The following MYO18B variants were observed in gnomAD, a reference collection of about 807,000 sequenced individuals.
The protein encoded by MYO18B is unconventional myosin-XVIIIb.
MYO18B carries 204 observed loss-of-function variants against 273.0 expected under a neutral mutation model. The ratio of observed to expected loss-of-function variants is 0.75; its 90% CI spans 0.67 to 0.84. The LOEUF (loss-of-function observed/expected upper bound fraction) is 0.84. Among genes scored for constraint, MYO18B ranks in the 40% least tolerant of loss-of-function variants. MYO18B has a pLI of 0.00. For missense variants in MYO18B, 3,212 were observed against 3,287.6 expected, an observed-to-expected ratio of 0.98 and a Z score of 0.56; for synonymous variants, 1,330 against 1,305.7, an observed-to-expected ratio of 1.02 and a Z score of -0.40.
intron 28 of MYO18B, 160 bp downstream of exon 28, chr22:25,895,440 T>C: frequency 1.3e-6 from 1 of 787,050 alleles, no homozygotes; most frequent in Admixed American, 2.8e-5. Context: ...CAAATGCTGG[T>C]CACTGTGAGA....
At chr22:25,778,252 C>T (rs1028289211) in intron 8 of MYO18B, among the ~76,000 whole-genome samples, 4 of 150,404 alleles carry the variant, frequency 2.7e-5, no homozygotes, top group South Asian at 2.1e-4. Context: ...ACTGTACCTA[C>T]GTTCAAAACT....
At position 25,811,273 on chromosome 22, in the gene MYO18B, T is replaced by G. The variant is rs149682703; in HGVS notation, c.2522-12232T>G. Among the ~76,000 whole-genome samples the G allele has an allele frequency of 5.7e-3, 872 of 152,182 alleles. 10 individuals carry two copies. Among genetic ancestry groups the G allele is most frequent in the African/African-American group, 0.019 (778 of 41,502 alleles). On this transcript the variant is annotated intron_variant, in intron 12 of 43. Transcript: ENST00000335473. ...CCTGACCTCAGGTAATCCTCCCACT[T>G]CGGTCTCCCAAAATGCTGGGATTAC...
chr22:25,807,844 G>A (rs1569048257), intron 12 of MYO18B, among the ~76,000 whole-genome samples: 1 of 152,070 alleles, frequency 6.6e-6, no homozygotes, highest in Non-Finnish European at 1.5e-5. Flanking sequence ...GTGGCCTTGA[G>A]CAAGTAACTT....
At chr22:25,894,738 A>C (rs1569161813) in intron 27 of MYO18B, 1 of 155,672 alleles carries the variant, frequency 6.4e-6, no homozygotes, top group African/African-American at 2.4e-5. Context: ...GCAATCCATG[A>C]GCTTGTATCA....
chr22:25,841,579 C>T (rs2090083425), intron 17 of MYO18B, among the ~76,000 whole-genome samples: 1 of 151,830 alleles, frequency 6.6e-6, no homozygotes, highest in Non-Finnish European at 1.5e-5. Flanking sequence ...CTCTGAACTT[C>T]AGTGTCATCT....
intron 34 of MYO18B, among the ~76,000 whole-genome samples, chr22:25,925,326 CTTTA>C (rs942557255): frequency 2.6e-5 from 4 of 151,308 alleles, no homozygotes; most frequent in African/African-American, 9.7e-5. Context: ...GAACCATAGG[CTTTA>C]TTTATCCCTC....
chr22:25,774,269 G>T (rs1477295381), intron 7 of MYO18B, among the ~76,000 whole-genome samples: 2 of 152,148 alleles, frequency 1.3e-5, no homozygotes, highest in Non-Finnish European at 2.9e-5. Context: ...ATGGTCAAGG[G>T]CCTGGGAGGA....
At chr22:25,870,761 G>T (rs368437299) in intron 22 of MYO18B, among the ~76,000 whole-genome samples, 4 of 152,252 alleles carry the variant, frequency 2.6e-5, no homozygotes, top group African/African-American at 7.2e-5. Flanking sequence ...AACTCTGGAG[G>T]GGGGCAGGGC....
In MYO18B at chr22:25,978,134, A is replaced by G. The variant is rs1344129876; in HGVS notation, c.6157-14229A>G. 2.6e-5 allele frequency among the ~76,000 whole-genome samples: 4 copies of G among 152,196 alleles called. No homozygotes were observed. In the East Asian group the frequency reaches 7.7e-4, roughly 29 times the overall value. On this transcript the variant is annotated intron_variant, in intron 39 of 43. Coordinates refer to ENST00000335473, the MANE Select transcript of MYO18B (RefSeq NM_032608.7). ...TCATAAGGAGATCAATATAGTAGGGAATTAGACATTGGCAAATAATTCCTA... is the reference window on the plus strand; with the variant it reads ...TCATAAGGAGATCAATATAGTAGGGGATTAGACATTGGCAAATAATTCCTA...
In MYO18B at chr22:25,911,063, C is replaced by G; in HGVS notation, c.5364+13C>G. ...CCTCTGTGACCAGGTAAGGGGGAGA[C>G]ATTGGCAGACATTCAGAGGAGTATC... On this transcript the variant is annotated intron_variant, in intron 33 of 43. Transcript: ENST00000335473. The G allele has an allele frequency of 6.4e-7, 1 of 1,567,724 alleles. No homozygotes were observed. Among genetic ancestry groups the G allele is most frequent in the Non-Finnish European group, 8.7e-7 (1 of 1,148,676 alleles).
At chr22:26,017,001 CCTAA>C (rs781496391) in intron 42 of MYO18B, among the ~76,000 whole-genome samples, 9 of 152,214 alleles carry the variant, frequency 5.9e-5, no homozygotes, top group East Asian at 1.9e-4. Context: ...CTGACTCCCT[CCTAA>C]CTCTTTTTTA....
At chr22:25,790,725 C>G (rs527601487) in intron 11 of MYO18B, among the ~76,000 whole-genome samples, 3 of 152,204 alleles carry the variant, frequency 2.0e-5, no homozygotes, top group Non-Finnish European at 2.9e-5. Flanking sequence ...CAGCAGAGAT[C>G]GGTTAATTAA....
intron 39 of MYO18B, among the ~76,000 whole-genome samples, chr22:25,970,111 TCAC>T (rs1179832785): frequency 4.6e-5 from 7 of 152,070 alleles, no homozygotes; most frequent in African/African-American, 1.7e-4. Flanking sequence ...TGCATCATCA[TCAC>T]CATCACCATC....
chr22:25,958,021 TCTC>T (rs1320062448), intron 39 of MYO18B, among the ~76,000 whole-genome samples: 1 of 151,424 alleles, frequency 6.6e-6, no homozygotes, highest in African/African-American at 2.4e-5. Flanking sequence ...TTCAATCACT[TCTC>T]CTGCCTCAGC....
chr22:25,938,480 C>T (rs972578025), intron 34 of MYO18B, among the ~76,000 whole-genome samples: 1 of 152,214 alleles, frequency 6.6e-6, no homozygotes, highest in African/African-American at 2.4e-5. Flanking sequence ...CAACCACTAG[C>T]ACACAAGTCT....
intron 12 of MYO18B, among the ~76,000 whole-genome samples, chr22:25,822,316 A>G (rs1182228063): frequency 6.6e-6 from 1 of 152,214 alleles, no homozygotes; most frequent in African/African-American, 2.4e-5. Context: ...GATAGAACCC[A>G]CTTTGACCAC....
chr22:25,837,325 A>C (rs1204533616), intron 17 of MYO18B, among the ~76,000 whole-genome samples: 1 of 152,140 alleles, frequency 6.6e-6, no homozygotes, highest in African/African-American at 2.4e-5. Context: ...GCAAAAAACC[A>C]GCACAGGAGA....
intron 40 of MYO18B, among the ~76,000 whole-genome samples, chr22:25,999,840 G>C (rs974449609): frequency 6.6e-6 from 1 of 152,072 alleles, no homozygotes; most frequent in African/African-American, 2.4e-5. Context: ...ATTTTTAGTA[G>C]AGACAGGGTT....
intron 42 of MYO18B, among the ~76,000 whole-genome samples, chr22:26,007,891 A>G (rs1934562846): frequency 6.6e-6 from 1 of 152,218 alleles, no homozygotes; most frequent in Admixed American, 6.5e-5. Context: ...CCACCACTGC[A>G]GTCTTAAGCT....
Sources: allele counts gnomAD v4.1 joint callset (sites outside exome capture counted in the v4.1 genomes callset), GRCh38; gene constraint gnomAD v4.1.1; transcripts MANE v1.5; gene names NCBI Gene and HGNC (gene_info 2026-07-23, HGNC 2026-07-21).